The following DLG2 variants were observed in gnomAD, a reference collection of about 807,000 sequenced individuals.
DLG2 encodes discs large MAGUK scaffold protein 2.
Under a neutral mutation model 132.5 loss-of-function variants are expected in DLG2, and 45 were observed. That is an observed-to-expected ratio of 0.34 (90% CI 0.27 to 0.44). DLG2 has a LOEUF of 0.44. Ranked by LOEUF, DLG2 falls within the 20% of genes least tolerant of loss-of-function variation. The pLI is 1.00. For synonymous variants in DLG2, 424 were observed against 419.6 expected (o/e 1.01, Z -0.13); for missense variants, 1,045 against 1,196.9 (o/e 0.87, Z 1.87).
At chr11:83,486,844 A>ATTTTT (rs1363846977) in intron 21 of DLG2, among the ~76,000 whole-genome samples, 1 of 152,108 alleles carries the variant, frequency 6.6e-6, no homozygotes, top group African/African-American at 2.4e-5. Flanking sequence ...CAGACTTAAA[A>ATTTTT]GTCACATGTT....
Position 85,088,683 on chromosome 11 carries a change from G to A in DLG2, c.357+22978C>T, listed in dbSNP as rs547826585. ...ACAAGAAATTTTGTATTTCCCCTGC[G>A]TTCCCAGTATGGAATGTCTAATATT... On this transcript the variant is annotated intron_variant, in intron 6 of 27. Transcript: ENST00000376104. Among the ~76,000 whole-genome samples the A allele has an allele frequency of 4.8e-4, 73 of 152,200 alleles. 2 individuals carry two copies. In the South Asian group the frequency reaches 0.014, roughly 30 times the overall value.
intron 7 of DLG2, among the ~76,000 whole-genome samples, chr11:84,261,157 G>A (rs1299029318): frequency 6.6e-6 from 1 of 152,126 alleles, no homozygotes; most frequent in Non-Finnish European, 1.5e-5. Context: ...TTAAGGTAGG[G>A]CTTATTTCTT....
At chr11:83,507,160 A>G (rs1045509752) in intron 21 of DLG2, among the ~76,000 whole-genome samples, 7 of 152,152 alleles carry the variant, frequency 4.6e-5, no homozygotes, top group Admixed American at 2.6e-4. Context: ...TGAATCAGGA[A>G]TGTCAAATGC....
chr11:85,111,390 T>C (rs1253333592), intron 6 of DLG2, among the ~76,000 whole-genome samples: 2 of 152,112 alleles, frequency 1.3e-5, no homozygotes, highest in Non-Finnish European at 2.9e-5. Flanking sequence ...GCAAATATAT[T>C]CGTTTTAATG....
chr11:84,429,523 T>C (rs2098977593), intron 7 of DLG2, among the ~76,000 whole-genome samples: 1 of 152,154 alleles, frequency 6.6e-6, no homozygotes, highest in Non-Finnish European at 1.5e-5. Context: ...TAGGACCTTA[T>C]AGATGCTAGG....
intron 16 of DLG2, among the ~76,000 whole-genome samples, chr11:83,872,816 T>G (rs1436797680): frequency 1.3e-5 from 2 of 152,186 alleles, no homozygotes; most frequent in South Asian, 4.1e-4. Flanking sequence ...CCCTGAGCCC[T>G]GCCAAGAGAG....
chr11:84,911,074 T>C (rs1414886985), intron 6 of DLG2, among the ~76,000 whole-genome samples: 1 of 152,116 alleles, frequency 6.6e-6, no homozygotes, highest in African/African-American at 2.4e-5. Context: ...GAATGAAAAA[T>C]AATTATTAAT....
In DLG2 at chr11:84,530,978, G is replaced by A. The variant is rs564751074; in HGVS notation, c.519+3592C>T. Among the ~76,000 whole-genome samples, 39 of 152,096 alleles carry A rather than the reference G, an allele frequency of 2.6e-4. No homozygotes were observed. In the South Asian group the frequency reaches 7.5e-3, roughly 29 times the overall value. ...CGGGAGGCCAAGGCGGGAGGATCACGAGGTCAGGAGATCTGTAGTCCCAGC... is the reference window on the plus strand; with the variant it reads ...CGGGAGGCCAAGGCGGGAGGATCACAAGGTCAGGAGATCTGTAGTCCCAGC... On this transcript the variant is annotated intron_variant, in intron 7 of 27. Transcript: ENST00000376104.
chr11:85,530,866 T>C (rs1400029004), intron 3 of DLG2, among the ~76,000 whole-genome samples: 1 of 152,196 alleles, frequency 6.6e-6, no homozygotes, highest in Non-Finnish European at 1.5e-5. Context: ...CTCTGTATAT[T>C]ACATAGCTAT....
At position 84,233,655 on chromosome 11, in the gene DLG2, G is replaced by GT. The variant is rs1598031763; in HGVS notation, c.573+17582dup. 2.6e-5 allele frequency among the ~76,000 whole-genome samples: 4 copies of GT among 152,178 alleles called. No homozygotes were observed. The South Asian group carries it at 8.3e-4, about 32-fold the overall frequency. On this transcript the variant is annotated intron_variant, in intron 8 of 27. Transcript: ENST00000376104. ...GCAAATGGCACACCTGGTCTAACCA[G>GT]TTTTTTGCACCCTATGTAAATCAGA...
rs141847187 is a variant in DLG2 at position 85,451,582 on chromosome 11, C to T, written c.40+147075G>A. 5.7e-3 allele frequency among the ~76,000 whole-genome samples: 868 copies of T among 152,294 alleles called. 10 individuals are homozygous for T. Among genetic ancestry groups the T allele is most frequent in the African/African-American group, 0.018 (757 of 41,560 alleles). ...TTCTCATAAGCTTCTTAACTCTTCT[C>T]AGACTCAAATTTTGACATTTATTAA... On this transcript the variant is annotated intron_variant, in intron 3 of 27. Transcript: ENST00000376104.
At chr11:84,900,874 G>T (rs1360378300) in intron 6 of DLG2, among the ~76,000 whole-genome samples, 1 of 151,912 alleles carries the variant, frequency 6.6e-6, no homozygotes, top group Non-Finnish European at 1.5e-5. Context: ...AGATCAAAAT[G>T]TCAACCTCAG....
chr11:84,863,849 C>T (rs1044931454), intron 6 of DLG2, among the ~76,000 whole-genome samples: 1 of 152,164 alleles, frequency 6.6e-6, no homozygotes, highest in Non-Finnish European at 1.5e-5. Flanking sequence ...TTGTTTTCTG[C>T]AGCCTCGGAC....
intron 3 of DLG2, among the ~76,000 whole-genome samples, chr11:85,560,175 G>A (rs1465864708): frequency 6.6e-6 from 1 of 151,728 alleles, no homozygotes; most frequent in African/African-American, 2.4e-5. Context: ...TAATTTGGCA[G>A]TTCTTGAAAA....
intron 12 of DLG2, among the ~76,000 whole-genome samples, chr11:83,970,975 A>C (rs1489175477): frequency 6.6e-6 from 1 of 152,070 alleles, no homozygotes; most frequent in Non-Finnish European, 1.5e-5. Flanking sequence ...CACAAAAGTG[A>C]GTTTGTTTGG....
chr11:85,531,459 G>A (rs1362312898), intron 3 of DLG2, among the ~76,000 whole-genome samples: 1 of 152,096 alleles, frequency 6.6e-6, no homozygotes, highest in Non-Finnish European at 1.5e-5. Context: ...CAGCACTTTG[G>A]GGTATTCAAA....
At chr11:83,675,064 T>C (rs2077455296) in intron 18 of DLG2, among the ~76,000 whole-genome samples, 1 of 152,164 alleles carries the variant, frequency 6.6e-6, no homozygotes, top group Non-Finnish European at 1.5e-5. Flanking sequence ...GCTGTAAAAG[T>C]GGAAAAACAA....
chr11:84,722,382 T>C (rs1048005386), intron 6 of DLG2, among the ~76,000 whole-genome samples: 1 of 152,198 alleles, frequency 6.6e-6, no homozygotes, highest in Non-Finnish European at 1.5e-5. Flanking sequence ...GTATGCTTCC[T>C]CCTTAGAAAG....
intron 19 of DLG2, among the ~76,000 whole-genome samples, chr11:83,544,194 C>G (rs1191944425): frequency 6.6e-6 from 1 of 152,156 alleles, no homozygotes; most frequent in Admixed American, 6.6e-5. Flanking sequence ...TTTTTCCAGA[C>G]TTTGTCCTAT....
Sources: gnomAD v4.1 joint callset for allele counts (sites outside exome capture counted in the v4.1 genomes callset) on GRCh38, gnomAD v4.1.1 for gene constraint, MANE v1.5 for transcripts, NCBI Gene and HGNC (gene_info 2026-07-23, HGNC 2026-07-21) for gene names.